TOX: variants seen among roughly 807,000 people sequenced by gnomAD.
The protein encoded by TOX is thymocyte selection-associated high mobility group box protein TOX.
A neutral mutation model predicts 53.7 loss-of-function variants in TOX; 11 were observed. That is an observed-to-expected ratio of 0.20 (90% CI 0.13 to 0.34). The LOEUF (loss-of-function observed/expected upper bound fraction) is 0.34. TOX is among the 10% of genes least tolerant of loss of function. The pLI is 1.00. For synonymous variants in TOX, 225 were observed against 245.3 expected (o/e 0.92, Z 0.77); for missense variants, 570 against 664.6 (o/e 0.86, Z 1.56).
chr8:59,046,992 T>C (rs36063321), intron 1 of TOX, among the ~76,000 whole-genome samples: 130,002 of 151,978 alleles, frequency 0.86, 55,882 homozygotes, highest in East Asian at 1. Flanking sequence ...ATGCAAAGCA[T>C]ATATTCCATG....
intron 1 of TOX, among the ~76,000 whole-genome samples, chr8:59,018,570 G>A (rs984161935): frequency 2.0e-5 from 3 of 152,016 alleles, no homozygotes; most frequent in Admixed American, 6.6e-5. Context: ...CAGGGGTTCC[G>A]AGTCACACGG....
chr8:59,071,093 G>A (rs563039628), intron 1 of TOX, among the ~76,000 whole-genome samples: 1 of 152,230 alleles, frequency 6.6e-6, no homozygotes, highest in Admixed American at 6.5e-5. Flanking sequence ...TTCTGTTCCT[G>A]CTTCTACAAT....
At chr8:58,973,740 T>G (rs1813042361) in intron 1 of TOX, among the ~76,000 whole-genome samples, 1 of 152,226 alleles carries the variant, frequency 6.6e-6, no homozygotes, top group Non-Finnish European at 1.5e-5. Context: ...TCACTCTTAT[T>G]TAATAATACT....
At chr8:59,014,264 G>A (rs773728382) in intron 1 of TOX, among the ~76,000 whole-genome samples, 11 of 152,236 alleles carry the variant, frequency 7.2e-5, no homozygotes, top group Non-Finnish European at 1.2e-4. Flanking sequence ...ATAAAGCACT[G>A]ATAACAGCAG....
chr8:59,018,364 T>C (rs1814053597), intron 1 of TOX, among the ~76,000 whole-genome samples: 1 of 152,190 alleles, frequency 6.6e-6, no homozygotes, highest in Admixed American at 6.5e-5. Flanking sequence ...TTTTGTCCCC[T>C]ACCTTTTGCC....
chr8:59,100,029 A>G (rs1041461236), intron 1 of TOX, among the ~76,000 whole-genome samples: 3 of 151,876 alleles, frequency 2.0e-5, no homozygotes, highest in Non-Finnish European at 4.4e-5. Flanking sequence ...GTAGAATTGC[A>G]TCTTTTTTTT....
chr8:58,890,956 C>T (rs1585883349), intron 3 of TOX, among the ~76,000 whole-genome samples: 1 of 152,172 alleles, frequency 6.6e-6, no homozygotes, highest in Non-Finnish European at 1.5e-5. Flanking sequence ...ACAGCCAAGT[C>T]CAACAGGATC....
chr8:58,857,860 C>G (rs1810941518), intron 3 of TOX, among the ~76,000 whole-genome samples: 1 of 152,170 alleles, frequency 6.6e-6, no homozygotes, highest in South Asian at 2.1e-4. Context: ...ACCTCCGCCT[C>G]CCAGGTTCGA....
chr8:59,054,914 GAGAA>G (rs1201814363), intron 1 of TOX, among the ~76,000 whole-genome samples: 43 of 113,960 alleles, frequency 3.8e-4, no homozygotes, highest in East Asian at 2.2e-3. Flanking sequence ...AAGAAAGAAA[GAGAA>G]AGAAAGAAAG....
intron 6 of TOX, among the ~76,000 whole-genome samples, chr8:58,819,427 G>C (rs1260096274): frequency 6.6e-6 from 1 of 152,204 alleles, no homozygotes; most frequent in Non-Finnish European, 1.5e-5. Context: ...ATGTGTTCTT[G>C]CTGTTAGTTT....
At chr8:58,914,412 A>G (rs1011116925) in intron 3 of TOX, among the ~76,000 whole-genome samples, 14 of 152,202 alleles carry the variant, frequency 9.2e-5, no homozygotes, top group Non-Finnish European at 1.6e-4. Context: ...GAAGGCCTGA[A>G]GAAATCTCTA....
At chr8:58,856,108 T>A (rs1022219110) in intron 3 of TOX, among the ~76,000 whole-genome samples, 1 of 152,220 alleles carries the variant, frequency 6.6e-6, no homozygotes, top group Non-Finnish European at 1.5e-5. Flanking sequence ...ATACTTTTTT[T>A]ACATACTTGT....
At chr8:59,060,464 A>T (rs28641710) in intron 1 of TOX, among the ~76,000 whole-genome samples, 67,302 of 152,008 alleles carry the variant, frequency 0.44, 17,455 homozygotes, top group Non-Finnish European at 0.59. Flanking sequence ...CGTCTCTACT[A>T]AAAATACAAA....
rs1491390258 is a variant in TOX, at chr8:59,085,392, TTA to T, written c.102+33492_102+33493del. Reference sequence around the variant, plus strand: ...AAATCATAATTTTCTTTTTCCTTTTTTATTTTTTCTTTTTAAGACAGGGTCTT... The same window carrying T: ...AAATCATAATTTTCTTTTTCCTTTTTTTTTTTCTTTTTAAGACAGGGTCTT... On this transcript the variant is annotated intron_variant, in intron 1 of 8. Coordinates refer to ENST00000361421, the MANE Select transcript of TOX (RefSeq NM_014729.3). 1.3e-3 allele frequency among the ~76,000 whole-genome samples: 174 copies of T among 129,556 alleles called. 1 individual carries two copies. The highest frequency in any genetic ancestry group is 6.9e-3 in the African/African-American group (158 of 22,754). The allele number at this position is 129,556 out of a possible 152,430, so 85.0% of individuals were successfully genotyped here. A position where few individuals can be genotyped will look rare whatever the true frequency, so the allele number is the denominator to read the frequency against.
intron 1 of TOX, among the ~76,000 whole-genome samples, chr8:59,012,067 C>G (rs1472816914): frequency 1.3e-5 from 2 of 152,160 alleles, no homozygotes; most frequent in African/African-American, 4.8e-5. Flanking sequence ...CATCCTCCTT[C>G]TCCCTGTCAC....
At chr8:58,954,161 A>T (rs1383016963) in intron 2 of TOX, among the ~76,000 whole-genome samples, 1 of 152,162 alleles carries the variant, frequency 6.6e-6, no homozygotes, top group African/African-American at 2.4e-5. Context: ...TATCATGTTA[A>T]CTCTTTGAGT....
chr8:59,025,645 C>A (rs188487500), intron 1 of TOX, among the ~76,000 whole-genome samples: 2 of 152,142 alleles, frequency 1.3e-5, no homozygotes, highest in African/African-American at 4.8e-5. Context: ...TCTGCCTTCT[C>A]CCCCTAGTCT....
At chr8:58,975,012 T>C (rs1195635054) in intron 1 of TOX, among the ~76,000 whole-genome samples, 1 of 152,016 alleles carries the variant, frequency 6.6e-6, no homozygotes, top group African/African-American at 2.4e-5. Flanking sequence ...ATTCACAGTA[T>C]GCATTATTTT....
chr8:59,074,825 T>C (rs1804264102), intron 1 of TOX, among the ~76,000 whole-genome samples: 1 of 152,080 alleles, frequency 6.6e-6, no homozygotes, highest in Non-Finnish European at 1.5e-5. Context: ...TCAGACAGCA[T>C]GAGACTCCAG....
Sources: gnomAD v4.1 joint callset for allele counts (sites outside exome capture counted in the v4.1 genomes callset) on GRCh38, gnomAD v4.1.1 for gene constraint, MANE v1.5 for transcripts, NCBI Gene and HGNC (gene_info 2026-07-23, HGNC 2026-07-21) for gene names.